NPEPPS: variants seen among roughly 807,000 people sequenced by gnomAD.
NPEPPS encodes puromycin-sensitive aminopeptidase.
NPEPPS carries 14 observed loss-of-function variants against 115.5 expected under a neutral mutation model. That is an observed-to-expected ratio of 0.12 (90% CI 0.08 to 0.19). The LOEUF (loss-of-function observed/expected upper bound fraction) is 0.19. Among genes scored for constraint, NPEPPS ranks in the 10% least tolerant of loss-of-function variants. The pLI, the probability that NPEPPS is intolerant of heterozygous loss-of-function variation, is 1.00. For synonymous variants in NPEPPS, 285 were observed against 390.6 expected, an observed-to-expected ratio of 0.73 and a Z score of 3.19; for missense variants, 523 against 1,110.8, an observed-to-expected ratio of 0.47 and a Z score of 7.52.
chr17:47,569,999 G>A (rs1362275156), intron 3 of NPEPPS, among the ~76,000 whole-genome samples: 1 of 152,216 alleles, frequency 6.6e-6, no homozygotes, highest in Admixed American at 6.5e-5. Context: ...GCTACGAAAA[G>A]CAGGGTTTCC....
chr17:47,537,891 T>C (rs2143678663), intron 1 of NPEPPS, among the ~76,000 whole-genome samples: 1 of 151,922 alleles, frequency 6.6e-6, no homozygotes, highest in Middle Eastern at 3.4e-3. Context: ...CTGTTTTTTT[T>C]TTTCTTTTTT....
chr17:47,612,132 A>G (rs1432724068), intron 17 of NPEPPS, among the ~76,000 whole-genome samples: 1 of 152,204 alleles, frequency 6.6e-6, no homozygotes, highest in East Asian at 1.9e-4. Flanking sequence ...CCTTGGGTCA[A>G]AACAGCATGA....
intron 14 of NPEPPS, among the ~76,000 whole-genome samples, chr17:47,601,313 G>A (rs1331072102): frequency 6.6e-6 from 1 of 151,920 alleles, no homozygotes; most frequent in Non-Finnish European, 1.5e-5. Context: ...TAAAATTGCT[G>A]TCTTTGCTCT....
intron 2 of NPEPPS, among the ~76,000 whole-genome samples, chr17:47,562,925 G>T (rs1032937797): frequency 6.6e-6 from 1 of 151,782 alleles, no homozygotes; most frequent in African/African-American, 2.4e-5. Flanking sequence ...ATATTTGAGT[G>T]AAATTAACCT....
At chr17:47,591,694 A>G (rs1912514640) in intron 10 of NPEPPS, 3 of 332,354 alleles carry the variant, frequency 9.0e-6, no homozygotes, top group Non-Finnish European at 1.6e-5. Context: ...CCCCAAAAAT[A>G]AACAGAACCA....
At chr17:47,550,725 C>G (rs1386185309) in intron 2 of NPEPPS, among the ~76,000 whole-genome samples, 3 of 150,888 alleles carry the variant, frequency 2.0e-5, no homozygotes, top group Non-Finnish European at 4.4e-5. Flanking sequence ...CTCCCAGGTT[C>G]AAGCAATTCT....
intron 2 of NPEPPS, among the ~76,000 whole-genome samples, chr17:47,550,601 GATATATATATATGT>G (rs1567842100): frequency 7.0e-6 from 1 of 143,726 alleles, no homozygotes. Context: ...AGTTATACCA[GATATATATATATGT>G]ATATATATAT....
chr17:47,555,979 T>G (rs1401977163), intron 2 of NPEPPS, among the ~76,000 whole-genome samples: 2 of 148,790 alleles, frequency 1.3e-5, no homozygotes, highest in Non-Finnish European at 3.0e-5. Flanking sequence ...CCTTCTGTTT[T>G]ACTTTTTTTT....
rs1907734007 is a variant in NPEPPS, at chr17:47,531,254, C to G, written c.-47C>G. The G allele has an allele frequency of 1.3e-6, 2 of 1,486,348 alleles. No individual in the cohort carries two copies. The highest frequency in any genetic ancestry group is 5.0e-5 in the East Asian group (2 of 40,116). The allele number at this position is 1,486,348 out of a possible 1,614,324, so 92.1% of individuals were successfully genotyped here. On this transcript the variant is annotated 5_prime_UTR_variant, in exon 1 of 23. Coordinates refer to ENST00000322157, the MANE Select transcript of NPEPPS (RefSeq NM_006310.4). The stretch of plus-strand genomic sequence containing the variant: ...CCGGCTGGGTCTCTCCCCCGCCCCC[C>G]AGGCTCCCCCGGTCGCTCTCCTCCG...
upstream of NPEPPS, among the ~76,000 whole-genome samples, chr17:47,527,904 T>G (rs1373721752): frequency 1.4e-5 from 2 of 144,080 alleles, no homozygotes; most frequent in African/African-American, 2.6e-5. Context: ...GCCAATATCA[T>G]GCCATTGCAA....
At position 47,623,240 on chromosome 17, in the gene NPEPPS, A is replaced by C. The variant is rs1272249635; in HGVS notation, c.*1320A>C. On this transcript the variant is annotated 3_prime_UTR_variant, in exon 23 of 23. Coordinates refer to ENST00000322157, the MANE Select transcript of NPEPPS (RefSeq NM_006310.4). ...ATTGTTTTAAAAAAATAATTAAAAAACAGTTGGCGTTAATAAAAATGTCAA... is the reference window on the plus strand; with the variant it reads ...ATTGTTTTAAAAAAATAATTAAAAACCAGTTGGCGTTAATAAAAATGTCAA... The C allele has an allele frequency of 1.7e-5, 3 of 174,224 alleles. No individual in the cohort carries two copies. Among genetic ancestry groups the C allele is most frequent in the Non-Finnish European group, 2.4e-5 (2 of 81,830 alleles). 10.8% of individuals were successfully genotyped at this position (174,224 alleles called of 1,614,324 possible). A position where few individuals can be genotyped will look rare whatever the true frequency, so the allele number is the denominator to read the frequency against.
chr17:47,558,582 A>AC (rs1910218008), intron 2 of NPEPPS, among the ~76,000 whole-genome samples: 2 of 147,722 alleles, frequency 1.4e-5, no homozygotes, highest in Admixed American at 6.8e-5. Flanking sequence ...TGCGCCTGCT[A>AC]CCACGCCTGG....
intron 14 of NPEPPS, among the ~76,000 whole-genome samples, chr17:47,600,873 G>A (rs1012237184): frequency 1.3e-5 from 2 of 152,176 alleles, no homozygotes; most frequent in African/African-American, 2.4e-5. Flanking sequence ...TTAACCCTTC[G>A]ATATTTCAGC....
chr17:47,532,731 A>G (rs1303530880), intron 1 of NPEPPS, among the ~76,000 whole-genome samples: 2 of 150,898 alleles, frequency 1.3e-5, no homozygotes, highest in Non-Finnish European at 2.9e-5. Context: ...AAAATATTCC[A>G]TTACTCTTCA....
intron 20 of NPEPPS, 141 bp downstream of exon 20, chr17:47,618,598 T>A (rs1314546143): frequency 1.6e-6 from 1 of 623,338 alleles, no homozygotes; most frequent in Non-Finnish European, 2.8e-6. Flanking sequence ...TGAGTTTTTG[T>A]TACTGACTTC....
In NPEPPS at chr17:47,545,796, C is replaced by T. The variant is rs141330890; in HGVS notation, c.256-113C>T. 2.4e-3 allele frequency: 3,558 copies of T among 1,473,328 alleles called. 42 individuals carry two copies. In the African/African-American group the frequency reaches 0.024, roughly 10 times the overall value. 91.3% of individuals were successfully genotyped at this position (1,473,328 alleles called of 1,614,324 possible). ...TCCTGGGCTCAAGCGATCCTCTTTG[C>T]TTGGCCTCCCAAAGTGCTGGGATTA... On this transcript the variant is annotated intron_variant, in intron 1 of 22. Coordinates refer to ENST00000322157, the MANE Select transcript of NPEPPS (RefSeq NM_006310.4).
intron 21 of NPEPPS, 114 bp downstream of exon 21, chr17:47,619,278 G>A: frequency 1.9e-6 from 2 of 1,077,688 alleles, no homozygotes; most frequent in Non-Finnish European, 2.7e-6. Flanking sequence ...CTGTGGCCAG[G>A]TGCAGTGGCT....
chr17:47,618,407 G>A lies in NPEPPS; in HGVS notation c.2353G>A (p.Ala785Thr), dbSNP rs368913646. The part of the protein sequence containing the change: ...EKNRIERVLG[A>T]TLLPDLIQKV... ...AAACCGAATCGAAAGAGTCCTTGGC[G>A]CTACTCTTTTGCCTGACCTGATTCA... Residue 785 changes from alanine to threonine, a missense_variant, in exon 20 of 23, where the codon GCT becomes ACT. Around this residue, in one of 4 missense-constraint regions of NPEPPS, gnomAD observed 372 missense variants for 542.6 expected, o/e 0.69. Coordinates refer to ENST00000322157, the MANE Select transcript of NPEPPS (RefSeq NM_006310.4). The A allele has an allele frequency of 4.3e-6, 7 of 1,613,678 alleles. No homozygotes were observed. Among genetic ancestry groups the A allele is most frequent in the Admixed American group, 1.7e-5 (1 of 59,974 alleles).
chr17:47,576,383 T>G (rs1487967310), intron 3 of NPEPPS, among the ~76,000 whole-genome samples: 2 of 152,142 alleles, frequency 1.3e-5, no homozygotes, highest in Non-Finnish European at 2.9e-5. Context: ...TTCCAGCTAA[T>G]CAGGAGGCTG....
Sources: allele counts gnomAD v4.1 joint callset (sites outside exome capture counted in the v4.1 genomes callset), GRCh38; gene constraint gnomAD v4.1.1; regional missense constraint gnomAD v4.1.1; transcripts MANE v1.5; gene names NCBI Gene and HGNC (gene_info 2026-07-23, HGNC 2026-07-21).